Variants in NIPA2 observed in about 807,000 individuals in gnomAD.
NIPA2 encodes the protein magnesium transporter NIPA2.
NIPA2 carries 11 observed loss-of-function variants against 29.7 expected under a neutral mutation model. The ratio of observed to expected loss-of-function variants is 0.37; its 90% CI spans 0.23 to 0.61. The LOEUF (loss-of-function observed/expected upper bound fraction) is 0.61, where lower values mean the gene tolerates loss of function less well. NIPA2 is among the 20% of genes least tolerant of loss of function. The probability of loss-of-function intolerance (pLI) is 0.66; values close to 1 mark genes in which losing one functional copy is unlikely to be tolerated. For missense variants in NIPA2, 426 were observed against 437.9 expected, an observed-to-expected ratio of 0.97 and a Z score of 0.24; for synonymous variants, 183 against 161.9, an observed-to-expected ratio of 1.13 and a Z score of -0.99.
chr15:22,843,527 G>C (rs1443729224), intron 2 of NIPA2, among the ~76,000 whole-genome samples: 3 of 151,510 alleles, frequency 2.0e-5, no homozygotes, highest in South Asian at 4.2e-4. Context: ...AAAATCTCTG[G>C]ACCTGGTTCC....
intron 3 of NIPA2, among the ~76,000 whole-genome samples, chr15:22,851,100 C>T (rs2117311): frequency 0.21 from 31,325 of 152,054 alleles, 3,479 homozygotes; most frequent in Admixed American, 0.31. Flanking sequence ...CCCCAGCAGA[C>T]ACCTCTCTGC....
chr15:22,856,034 T>C (rs1779281543), intron 5 of NIPA2, among the ~76,000 whole-genome samples: 1 of 152,168 alleles, frequency 6.6e-6, no homozygotes, highest in South Asian at 2.1e-4. Flanking sequence ...ATTGCAGCTT[T>C]TTCCTGATTC....
At chr15:22,864,255 C>T (rs905189068) in intron 7 of NIPA2, among the ~76,000 whole-genome samples, 5 of 151,902 alleles carry the variant, frequency 3.3e-5, no homozygotes, top group Admixed American at 2.0e-4. Flanking sequence ...CCCGGGTTCA[C>T]GCCATTCTCC....
At chr15:22,861,844 C>G (rs1452043342) in intron 7 of NIPA2, among the ~76,000 whole-genome samples, 1 of 152,222 alleles carries the variant, frequency 6.6e-6, no homozygotes, top group East Asian at 1.9e-4. Flanking sequence ...AAGCGATTCT[C>G]CCATCTCAGC....
chr15:22,846,540 G>A (rs939048539), intron 3 of NIPA2, among the ~76,000 whole-genome samples: 1 of 152,114 alleles, frequency 6.6e-6, no homozygotes, highest in Non-Finnish European at 1.5e-5. Flanking sequence ...TGGGCAGGAT[G>A]CAGTGGGTGA....
rs1331108324 is a variant in NIPA2 at position 22,853,225 on chromosome 15, T to C, written c.153T>C (p.His51=). 1 of 1,610,172 alleles carries C rather than the reference T, an allele frequency of 6.2e-7. No individual in the cohort carries two copies. Among genetic ancestry groups the C allele is most frequent in the South Asian group, 1.1e-5 (1 of 90,948 alleles). The part of the protein sequence containing the change: ...KGSMRAGQGG[H]AYLKEWLWWA... ...CTTCATTCACAGGTCAAGGTGGCCA[T>C]GCATATCTTAAGGAATGGTTGTGGT... Residue 51 remains histidine (H), a synonymous_variant, in exon 5 of 8, where the codon CAT becomes CAC. Coordinates refer to ENST00000337451, the MANE Select transcript of NIPA2 (RefSeq NM_030922.7).
At chr15:22,860,179 C>T (rs2058521902) in intron 6 of NIPA2, among the ~76,000 whole-genome samples, 1 of 152,054 alleles carries the variant, frequency 6.6e-6, no homozygotes, top group African/African-American at 2.4e-5. Flanking sequence ...GCCACCATGC[C>T]TGACTGATTT....
rs887472584 is a variant in NIPA2, at chr15:22,838,907, G to C, written c.-366G>C. On this transcript the variant is annotated 5_prime_UTR_variant, in exon 1 of 8. Transcript: ENST00000337451. ...GCCGGCGAGGGGAAGCCGCGCGGCC[G>C]GCCGGCCGACTAGGGTGAGGTCGCC... 2 of 152,300 alleles carry C rather than the reference G, an allele frequency of 1.3e-5. No homozygotes were observed. The allele number at this position is 152,300 out of a possible 1,614,324, so 9.4% of individuals were successfully genotyped here. A position where few individuals can be genotyped will look rare whatever the true frequency, so the allele number is the denominator to read the frequency against.
Position 22,858,614 on chromosome 15 carries a change from C to T in NIPA2, c.271C>T (p.Leu91Phe). The change falls in exon 6 of 8, where the codon CTC becomes TTC. Residue 91 changes from leucine to phenylalanine, a missense_variant. By Grantham distance (22) the Leu-to-Phe change is conservative. This residue lies in a region of NIPA2 where 357 missense variants were observed against 339.8 expected (regional missense o/e 1.05). Coordinates refer to ENST00000337451, the MANE Select transcript of NIPA2 (RefSeq NM_030922.7). ...PATLVTPLGALSVLVSAILSS... is the reference protein window; with the variant it reads ...PATLVTPLGAFSVLVSAILSS... The stretch of plus-strand genomic sequence containing the variant: ...CACTCTAGTGACTCCACTAGGAGCT[C>T]TCAGCGTGCTAGTAAGGTAAGGACA... 1 of 1,598,214 alleles carries T rather than the reference C, an allele frequency of 6.3e-7. No homozygotes were observed.
Position 22,866,609 on chromosome 15 carries a change from C to CT in NIPA2, c.848dup (p.Leu283PhefsTer18). 1 of 1,614,066 alleles carries CT rather than the reference C, an allele frequency of 6.2e-7. No homozygotes were observed. ...ATGCCTGTTGACGATGTCATTGGTACTTTGAGTGGCTTCTTTACAATCATT... is the reference window on the plus strand; with the variant it reads ...ATGCCTGTTGACGATGTCATTGGTACTTTTGAGTGGCTTCTTTACAATCATT... On this transcript the variant is annotated frameshift_variant, in exon 8 of 8. Coordinates refer to ENST00000337451, the MANE Select transcript of NIPA2 (RefSeq NM_030922.7). LOFTEE classifies it high-confidence loss of function.
rs1275516568 is a variant in NIPA2, at chr15:22,845,146, G to T, written c.-215G>T. The T allele has an allele frequency of 6.6e-6, 1 of 152,168 alleles. No individual in the cohort carries two copies. Among genetic ancestry groups the T allele is most frequent in the African/African-American group, 2.4e-5 (1 of 41,416 alleles). 9.4% of individuals were successfully genotyped at this position (152,168 alleles called of 1,614,324 possible). The stretch of plus-strand genomic sequence containing the variant: ...AGAAGAAAAAATATCTCTGTTGCAG[G>T]CTCTCCCGGCTGTGATAGACCTTCA... On this transcript the variant is annotated splice_region_variant and 5_prime_UTR_variant, in exon 3 of 8. The change abolishes an upstream ATG in the 5' untranslated region. Transcript: ENST00000337451.
At chr15:22,853,128 T>G in intron 4 of NIPA2, 84 bp from the exon 5 acceptor site, 1 of 918,384 alleles carries the variant, frequency 1.1e-6, no homozygotes, top group Non-Finnish European at 1.7e-6. Context: ...CTGAGATATT[T>G]AAAAATCTGT....
At chr15:22,856,342 A>G (rs1292655086) in intron 5 of NIPA2, among the ~76,000 whole-genome samples, 1 of 152,198 alleles carries the variant, frequency 6.6e-6, no homozygotes, top group East Asian at 1.9e-4. Flanking sequence ...GTTAAAAAAA[A>G]TAGAAGATTG....
In NIPA2 at chr15:22,867,408, T is replaced by G; in HGVS notation, c.*561T>G. The G allele has an allele frequency of 2.6e-6, 1 of 381,660 alleles. No homozygotes were observed. Among genetic ancestry groups the G allele is most frequent in the Middle Eastern group, 6.7e-4 (1 of 1,500 alleles). 23.6% of individuals were successfully genotyped at this position (381,660 alleles called of 1,614,324 possible). On this transcript the variant is annotated 3_prime_UTR_variant, in exon 8 of 8. Coordinates refer to ENST00000337451, the MANE Select transcript of NIPA2 (RefSeq NM_030922.7). ...TACAAAACAAAAAAAAGGGCAGAAA[T>G]CACCCCAAGGAACGATTTCTCAGGT...
chr15:22,860,477 T>C, intron 6 of NIPA2, 152 bp from the exon 7 acceptor site: 1 of 584,122 alleles, frequency 1.7e-6, no homozygotes, highest in Non-Finnish European at 2.9e-6. Flanking sequence ...TATGATGAAA[T>C]GTATACTTTT....
rs756447463 is a variant in NIPA2, at chr15:22,866,570, A to G, written c.806A>G (p.Lys269Arg). 1.2e-5 allele frequency: 19 copies of G among 1,614,008 alleles called. No individual in the cohort carries two copies. In the South Asian group the frequency reaches 2.1e-4, roughly 18 times the overall value. Residue 269 changes from lysine (K) to arginine (R), a missense_variant, in exon 8 of 8, where the codon AAG becomes AGG. This residue lies in a region of NIPA2 where 357 missense variants were observed against 339.8 expected (regional missense o/e 1.05). Coordinates refer to ENST00000337451, the MANE Select transcript of NIPA2 (RefSeq NM_030922.7). ...TTAACTTGTTCAGCTATTCTTTTTA[A>G]GGAGTGGCAAGATATGCCTGTTGAC... ...SVLTCSAILF[K>R]EWQDMPVDDV...
rs2057527388 is a variant in NIPA2, at chr15:22,849,242, T to A, written c.-93-2397T>A. On this transcript the variant is annotated intron_variant, in intron 3 of 7. Transcript: ENST00000337451. ...CTTGAGGCTTGAGATGACCAGTATTTGGCACATAAAGTGGGTAATACCTTA... is the reference window on the plus strand; with the variant it reads ...CTTGAGGCTTGAGATGACCAGTATTAGGCACATAAAGTGGGTAATACCTTA... 3.3e-5 allele frequency among the ~76,000 whole-genome samples: 5 copies of A among 152,246 alleles called. No homozygotes were observed. The South Asian group carries it at 1.0e-3, about 32-fold the overall frequency.
In NIPA2 at chr15:22,867,244, AAC is replaced by A. The variant is rs1566886002; in HGVS notation, c.*399_*400del. The A allele has an allele frequency of 2.0e-5, 8 of 404,186 alleles. No homozygotes were observed. Among genetic ancestry groups the A allele is most frequent in the East Asian group, 1.4e-4 (4 of 28,248 alleles). 25.0% of individuals were successfully genotyped at this position (404,186 alleles called of 1,614,324 possible). A position where few individuals can be genotyped will look rare whatever the true frequency, so the allele number is the denominator to read the frequency against. ...ATGTAAGGCTTTTTTATTTTAAAAA[AAC>A]AGAGTTATCCCAATACATTATCCTG... On this transcript the variant is annotated 3_prime_UTR_variant, in exon 8 of 8. Coordinates refer to ENST00000337451, the MANE Select transcript of NIPA2 (RefSeq NM_030922.7).
At position 22,845,166 on chromosome 15, in the gene NIPA2, C is replaced by T. The variant is rs1406399294; in HGVS notation, c.-195C>T. On this transcript the variant is annotated 5_prime_UTR_variant, in exon 3 of 8. Coordinates refer to ENST00000337451, the MANE Select transcript of NIPA2 (RefSeq NM_030922.7). ...TGCAGGCTCTCCCGGCTGTGATAGA[C>T]CTTCAGTTACAGAGAGAGGGAGCAG... 6.6e-6 allele frequency: 1 copy of T among 152,176 alleles called. No homozygotes were observed. Among genetic ancestry groups the T allele is most frequent in the Admixed American group, 6.5e-5 (1 of 15,274 alleles). 9.4% of individuals were successfully genotyped at this position (152,176 alleles called of 1,614,324 possible).
Sources: allele counts gnomAD v4.1 joint callset (sites outside exome capture counted in the v4.1 genomes callset), GRCh38; gene constraint gnomAD v4.1.1; regional missense constraint gnomAD v4.1.1; transcripts MANE v1.5; gene names NCBI Gene and HGNC (gene_info 2026-07-23, HGNC 2026-07-21).